MAPK6: variants seen among roughly 807,000 people sequenced by gnomAD.
The protein encoded by MAPK6 is mitogen-activated protein kinase 6.
MAPK6 carries 19 observed loss-of-function variants against 59.3 expected under a neutral mutation model. That is an observed-to-expected ratio of 0.32 (90% confidence interval 0.22 to 0.47). The LOEUF (loss-of-function observed/expected upper bound fraction) is 0.47. MAPK6 is among the 20% of genes least tolerant of loss of function. The pLI is 1.00. For synonymous variants in MAPK6, 316 were observed against 290.3 expected, an observed-to-expected ratio of 1.09 and a Z score of -0.90; for missense variants, 724 against 847.9, an observed-to-expected ratio of 0.85 and a Z score of 1.81.
At chr15:52,060,675 G>A (rs2141125293) in intron 4 of MAPK6, among the ~76,000 whole-genome samples, 1 of 152,272 alleles carries the variant, frequency 6.6e-6, no homozygotes, top group Middle Eastern at 3.4e-3. Context: ...CTATTTTATG[G>A]GAAGAACTGG....
intron 1 of MAPK6, among the ~76,000 whole-genome samples, chr15:52,032,795 C>T (rs2031090791): frequency 1.3e-5 from 2 of 152,336 alleles, no homozygotes; most frequent in South Asian, 4.2e-4. Flanking sequence ...AGTGATTCTC[C>T]TGCCTCAACC....
intron 1 of MAPK6, among the ~76,000 whole-genome samples, chr15:51,979,520 T>C (rs2057166774): frequency 6.6e-6 from 1 of 151,846 alleles, no homozygotes; most frequent in African/African-American, 2.4e-5. Flanking sequence ...AGGCTGGGCA[T>C]GGTGGCTCAT....
chr15:52,057,141 C>G (rs1312700963), intron 3 of MAPK6: 1 of 151,674 alleles, frequency 6.6e-6, no homozygotes, highest in East Asian at 1.9e-4. Flanking sequence ...TACTGTCACT[C>G]TTACTATCCC....
chr15:51,971,837 A>G, exon 1 of MAPK6: 1 of 1,383,326 alleles, frequency 7.2e-7, no homozygotes, highest in Non-Finnish European at 1.0e-6. Flanking sequence ...TGTCGCAAAG[A>G]TTCGCCGAAG....
chr15:52,007,830 C>CA (rs1285230067), intron 3 of MAPK6, among the ~76,000 whole-genome samples: 1 of 150,672 alleles, frequency 6.6e-6, no homozygotes, highest in Non-Finnish European at 1.5e-5. Flanking sequence ...AAAACTACCT[C>CA]AACTGATATT....
chr15:52,041,651 A>G (rs189110186), intron 1 of MAPK6, among the ~76,000 whole-genome samples: 2 of 152,296 alleles, frequency 1.3e-5, no homozygotes, highest in East Asian at 1.9e-4. Flanking sequence ...GATTGATGTG[A>G]AAGTTGGAGG....
chr15:52,045,576 G>A (rs547625659), intron 1 of MAPK6, among the ~76,000 whole-genome samples: 1 of 152,204 alleles, frequency 6.6e-6, no homozygotes, highest in Admixed American at 6.5e-5. Context: ...TTTCAGAAAT[G>A]GTACAACCTA....
Position 52,064,774 on chromosome 15 carries a change from T to C in MAPK6, c.1940T>C (p.Val647Ala). ...ACTGAAATGCTAGAAACTGAGCCAG[T>C]AGAGGATGGGAAGCTTGGGGAGAGA... ...EDTEMLETEP[V>A]EDGKLGERGH... Residue 647 changes from valine (V) to alanine (A), a missense_variant, in exon 6 of 6, where the codon GTA (valine) becomes GCA (alanine). Coordinates refer to ENST00000261845, the MANE Select transcript of MAPK6 (RefSeq NM_002748.4). 1.2e-6 allele frequency: 2 copies of C among 1,611,876 alleles called. No homozygotes were observed. Among genetic ancestry groups the C allele is most frequent in the Non-Finnish European group, 1.7e-6 (2 of 1,179,778 alleles).
At chr15:52,044,734 A>AT (rs1371231965) in intron 1 of MAPK6, among the ~76,000 whole-genome samples, 1 of 151,936 alleles carries the variant, frequency 6.6e-6, no homozygotes, top group African/African-American at 2.4e-5. Flanking sequence ...AGTATGAAAT[A>AT]TTTTAAGTGT....
chr15:52,046,369 C>G lies in MAPK6; in HGVS notation c.-92C>G, dbSNP rs1439254787. ...GGAAGCATAATTATTTTTCTTCTCC[C>G]TTTTTGAAAGATCTTTCCTTTTGAT... On this transcript the variant is annotated 5_prime_UTR_variant, in exon 2 of 6. Transcript: ENST00000261845. The G allele has an allele frequency of 1.1e-5, 11 of 971,210 alleles. No homozygotes were observed. The highest frequency in any genetic ancestry group is 1.7e-5 in the Non-Finnish European group (11 of 641,336). 60.2% of individuals were successfully genotyped at this position (971,210 alleles called of 1,614,324 possible).
chr15:52,035,559 G>C (rs989803319), intron 1 of MAPK6: 1 of 152,282 alleles, frequency 6.6e-6, no homozygotes, highest in African/African-American at 2.4e-5. Flanking sequence ...GGGAAGCGGA[G>C]GTTGCAGAGA....
intron 2 of MAPK6, among the ~76,000 whole-genome samples, chr15:51,984,939 C>A (rs2959280): frequency 6.6e-6 from 1 of 152,118 alleles, no homozygotes; most frequent in African/African-American, 2.4e-5. Context: ...TTGTTTCGCA[C>A]TTTTGCAATG....
chr15:52,035,613 G>T lies in MAPK6; in HGVS notation c.-631-10217G>T, dbSNP rs1045988344. 6 of 147,390 alleles carry T rather than the reference G, an allele frequency of 4.1e-5. No homozygotes were observed. The Admixed American group carries it at 4.1e-4, about 10-fold the overall frequency. 9.1% of individuals were successfully genotyped at this position (147,390 alleles called of 1,614,324 possible). A position where few individuals can be genotyped will look rare whatever the true frequency, so the allele number is the denominator to read the frequency against. Reference sequence around the variant, plus strand: ...CACTCCAGCCTGGGTGACAGAGCGAGACACCATCTTAAAAAAAAAAAAAAA... The same window carrying T: ...CACTCCAGCCTGGGTGACAGAGCGATACACCATCTTAAAAAAAAAAAAAAA... On this transcript the variant is annotated intron_variant, in intron 1 of 5. Coordinates refer to ENST00000261845, the MANE Select transcript of MAPK6 (RefSeq NM_002748.4).
intron 1 of MAPK6, among the ~76,000 whole-genome samples, chr15:52,024,355 C>G (rs1423288199): frequency 1.3e-5 from 2 of 151,998 alleles, no homozygotes; most frequent in African/African-American, 4.8e-5. Flanking sequence ...TCATCTCAGT[C>G]CTACGGTCCT....
chr15:52,060,246 A>G (rs1455050348), intron 4 of MAPK6, among the ~76,000 whole-genome samples: 1 of 152,178 alleles, frequency 6.6e-6, no homozygotes, highest in Non-Finnish European at 1.5e-5. Flanking sequence ...TCTTAAAATT[A>G]TCTTTCTAAA....
At chr15:52,041,227 G>C (rs1458994861) in intron 1 of MAPK6, among the ~76,000 whole-genome samples, 3 of 151,892 alleles carry the variant, frequency 2.0e-5, no homozygotes, top group African/African-American at 7.3e-5. Context: ...ATGGAATTTT[G>C]CTCTTGTTGC....
At chr15:51,983,048 A>G (rs1274101344) in intron 1 of MAPK6, among the ~76,000 whole-genome samples, 2 of 152,216 alleles carry the variant, frequency 1.3e-5, no homozygotes, top group African/African-American at 4.8e-5. Flanking sequence ...TTTATCTGCT[A>G]CTTAACACAA....
intron 2 of MAPK6, among the ~76,000 whole-genome samples, chr15:51,994,767 G>A (rs1011617020): frequency 2.0e-5 from 3 of 152,216 alleles, no homozygotes; most frequent in African/African-American, 7.2e-5. Flanking sequence ...TTGATTCTCT[G>A]ATTGTTCTGC....
rs2032339724 is a variant in MAPK6 at position 52,064,617 on chromosome 15, A to AGCCAGT, written c.1784_1789dup (p.Gln596_Phe597insCysGln). ...AGCCTTGTACCAGTCTTCTTGGGAC[A>AGCCAGT]GCCAGTTTGTGAGTGGTGGGGAGGA... On this transcript the variant is annotated inframe_insertion, in exon 6 of 6. Transcript: ENST00000261845. 6.2e-7 allele frequency: 1 copy of AGCCAGT among 1,611,744 alleles called. No individual in the cohort carries two copies. Among genetic ancestry groups the AGCCAGT allele is most frequent in the African/African-American group, 1.3e-5 (1 of 74,876 alleles).
Sources: allele counts gnomAD v4.1 joint callset (sites outside exome capture counted in the v4.1 genomes callset), GRCh38; gene constraint gnomAD v4.1.1; transcripts MANE v1.5; gene names NCBI Gene and HGNC (gene_info 2026-07-23, HGNC 2026-07-21).